ZFAND6: variants seen among roughly 807,000 people sequenced by gnomAD.
ZFAND6 encodes the protein zinc finger AN1-type containing 6.
ZFAND6 carries 12 observed loss-of-function variants against 24.5 expected under a neutral mutation model. That is an observed-to-expected ratio of 0.49 (90% CI 0.31 to 0.79). The LOEUF is 0.79. Among genes scored for constraint, ZFAND6 ranks in the 30% least tolerant of loss-of-function variants. ZFAND6 has a pLI of 0.04. For synonymous variants in ZFAND6, 92 were observed against 81.5 expected (o/e 1.13, Z -0.69); for missense variants, 207 against 245.9 (o/e 0.84, Z 1.06).
At chr15:80,090,348 C>G (rs532999436) in intron 1 of ZFAND6, among the ~76,000 whole-genome samples, 24 of 152,194 alleles carry the variant, frequency 1.6e-4, no homozygotes, top group Non-Finnish European at 2.8e-4. Flanking sequence ...TGGAGTCAGA[C>G]TCTCTGGGTT....
At chr15:80,068,035 C>T (rs1467956659) in intron 1 of ZFAND6, among the ~76,000 whole-genome samples, 1 of 148,984 alleles carries the variant, frequency 6.7e-6, no homozygotes, top group Non-Finnish European at 1.5e-5. Context: ...AATCTCGGCT[C>T]ACTGCAACCT....
intron 1 of ZFAND6, among the ~76,000 whole-genome samples, chr15:80,079,529 C>G (rs2037514901): frequency 6.6e-6 from 1 of 150,840 alleles, no homozygotes; most frequent in Admixed American, 6.6e-5. Context: ...CTACTCTGTT[C>G]TTTCTTTTGC....
At chr15:80,070,482 G>A (rs1380767906) in intron 1 of ZFAND6, among the ~76,000 whole-genome samples, 2 of 152,120 alleles carry the variant, frequency 1.3e-5, no homozygotes, top group African/African-American at 2.4e-5. Flanking sequence ...GTTTTCTGCT[G>A]CTGCTGATTT....
In ZFAND6 at chr15:80,075,265, G is replaced by A. The variant is rs917649531; in HGVS notation, c.-181+15456G>A. On this transcript the variant is annotated intron_variant, in intron 1 of 6. Transcript: ENST00000261749. ...TTGGTAATTTGACAACATGTAATTT[G>A]ATTGTCGTCTTAATAAAATTTAATG... 15 of 216,896 alleles carry A rather than the reference G, an allele frequency of 6.9e-5. No homozygotes were observed. The Admixed American group carries it at 9.1e-4, about 13-fold the overall frequency. 13.4% of individuals were successfully genotyped at this position (216,896 alleles called of 1,614,324 possible). A position where few individuals can be genotyped will look rare whatever the true frequency, so the allele number is the denominator to read the frequency against.
At chr15:80,097,601 A>G (rs12148254) in intron 1 of ZFAND6, among the ~76,000 whole-genome samples, 87,913 of 151,906 alleles carry the variant, frequency 0.58, 26,878 homozygotes, top group Non-Finnish European at 0.68. Flanking sequence ...GTGAGCCAAG[A>G]TCGCACCATT....
At chr15:80,122,655 A>G (rs895721560) in intron 4 of ZFAND6, 45 bp from the exon 5 acceptor site, 1 of 1,231,552 alleles carries the variant, frequency 8.1e-7, no homozygotes, top group African/African-American at 1.5e-5. Context: ...GTTAATATTC[A>G]TGTGTAGAGA....
chr15:80,089,138 C>A (rs1274545147), intron 1 of ZFAND6, among the ~76,000 whole-genome samples: 1 of 148,384 alleles, frequency 6.7e-6, no homozygotes, highest in Non-Finnish European at 1.5e-5. Context: ...ATTGACAACT[C>A]CTTCTGTTCT....
In ZFAND6 at chr15:80,106,108, G is replaced by C. The variant is rs542931048; in HGVS notation, c.-18+7530G>C. Among the ~76,000 whole-genome samples, 7 of 152,254 alleles carry C rather than the reference G, an allele frequency of 4.6e-5. No individual in the cohort carries two copies. The East Asian group carries it at 1.3e-3, about 29-fold the overall frequency. On this transcript the variant is annotated intron_variant, in intron 2 of 6. Transcript: ENST00000261749. ...TCTTTTACAGTGTTTAATAGCTAGCGGAGTGATAGGTACGATAAGTTTATC... is the reference window on the plus strand; with the variant it reads ...TCTTTTACAGTGTTTAATAGCTAGCCGAGTGATAGGTACGATAAGTTTATC...
chr15:80,112,304 G>A (rs951171769), intron 2 of ZFAND6, among the ~76,000 whole-genome samples: 1 of 152,110 alleles, frequency 6.6e-6, no homozygotes, highest in African/African-American at 2.4e-5. Context: ...AGTCAGTACA[G>A]TAGTCCAAAA....
At chr15:80,098,773 CATTT>C (rs943687998) in intron 2 of ZFAND6, among the ~76,000 whole-genome samples, 195 bp downstream of exon 2, 18 of 152,010 alleles carry the variant, frequency 1.2e-4, no homozygotes, top group African/African-American at 2.9e-4. Context: ...TGTGCAATAA[CATTT>C]ATAACTAATG....
intron 2 of ZFAND6, among the ~76,000 whole-genome samples, chr15:80,102,356 G>A (rs1162064941): frequency 6.6e-6 from 1 of 150,754 alleles, no homozygotes; most frequent in South Asian, 2.1e-4. Flanking sequence ...TGATCCACCC[G>A]CCTCCCACTC....
chr15:80,061,440 G>C (rs546336109), intron 1 of ZFAND6, among the ~76,000 whole-genome samples: 21 of 152,146 alleles, frequency 1.4e-4, no homozygotes, highest in African/African-American at 5.1e-4. Flanking sequence ...ATAAATCCTT[G>C]ATGACTCCCC....
At chr15:80,131,380 TC>T (rs771258999) in intron 6 of ZFAND6, 87 bp downstream of exon 6, 2 of 1,145,406 alleles carry the variant, frequency 1.7e-6, no homozygotes, top group East Asian at 2.5e-5. Flanking sequence ...TTAAGATTGT[TC>T]CTGTTCCCTT....
intron 1 of ZFAND6, among the ~76,000 whole-genome samples, chr15:80,079,233 T>C (rs978063995): frequency 1.3e-5 from 2 of 152,198 alleles, no homozygotes; most frequent in Non-Finnish European, 2.9e-5. Context: ...CTTTCCTTTT[T>C]TTTTGGAGAC....
chr15:80,068,529 G>A (rs1284293153), intron 1 of ZFAND6, among the ~76,000 whole-genome samples: 4 of 151,992 alleles, frequency 2.6e-5, no homozygotes, highest in East Asian at 1.9e-4. Flanking sequence ...GTGCCACCAC[G>A]CCTGGCTAAT....
At chr15:80,119,003 T>C (rs1313610001) in intron 2 of ZFAND6, among the ~76,000 whole-genome samples, 2 of 152,228 alleles carry the variant, frequency 1.3e-5, no homozygotes, top group Non-Finnish European at 2.9e-5. Flanking sequence ...CTTCATGATC[T>C]TTGAAATAGA....
chr15:80,089,259 G>GTTTTTTT lies in ZFAND6; in HGVS notation c.-180-9138_-180-9132dup, dbSNP rs71453501. On this transcript the variant is annotated intron_variant, in intron 1 of 6. Transcript: ENST00000261749. ...TCTGTCTTCGTGTGTGAGTGTGTGT[G>GTTTTTTT]TTTTTTTTTTTTTTTTTTTTTTTTT... Among the ~76,000 whole-genome samples the GTTTTTTT allele has an allele frequency of 5.6e-4, 34 of 61,110 alleles. 1 individual carries two copies. Among genetic ancestry groups the GTTTTTTT allele is most frequent in the Admixed American group, 1.1e-3 (4 of 3,600 alleles). The allele number at this position is 61,110 out of a possible 152,430, so 40.1% of individuals were successfully genotyped here.
intron 2 of ZFAND6, among the ~76,000 whole-genome samples, chr15:80,116,897 T>C (rs922800276): frequency 6.6e-6 from 1 of 152,224 alleles, no homozygotes; most frequent in Non-Finnish European, 1.5e-5. Context: ...ATAAAACTTT[T>C]TGTCCTGTTA....
intron 1 of ZFAND6, among the ~76,000 whole-genome samples, chr15:80,061,658 T>A (rs751355762): frequency 6.6e-6 from 1 of 152,240 alleles, no homozygotes; most frequent in Non-Finnish European, 1.5e-5. Context: ...TTCATTGCTT[T>A]ATGATATGTT....
Sources: allele counts gnomAD v4.1 joint callset (sites outside exome capture counted in the v4.1 genomes callset), GRCh38; gene constraint gnomAD v4.1.1; transcripts MANE v1.5; gene names NCBI Gene and HGNC (gene_info 2026-07-23, HGNC 2026-07-21).